TNNI3K: variants seen among roughly 807,000 people sequenced by gnomAD.
The protein encoded by TNNI3K is serine/threonine-protein kinase TNNI3K.
TNNI3K carries 140 observed loss-of-function variants against 114.5 expected under a neutral mutation model. The observed-to-expected ratio is 1.22, with a 90% CI of 1.07 to 1.41. The LOEUF (loss-of-function observed/expected upper bound fraction) is 1.41. TNNI3K is among the 40% of genes most tolerant of loss of function. The pLI, the probability that TNNI3K is intolerant of heterozygous loss-of-function variation, is 0.00. For synonymous variants in TNNI3K, 347 were observed against 347.5 expected, an observed-to-expected ratio of 1.00 and a Z score of 0.02; for missense variants, 1,125 against 1,007.6, an observed-to-expected ratio of 1.12 and a Z score of -1.58.
chr1:74,520,552 C>T (rs1271743328), intron 23 of TNNI3K, among the ~76,000 whole-genome samples: 2 of 151,886 alleles, frequency 1.3e-5, no homozygotes, highest in Non-Finnish European at 2.9e-5. Context: ...TCTCTTTTGA[C>T]CTTTTCCTTC....
intron 4 of TNNI3K, among the ~76,000 whole-genome samples, chr1:74,259,312 C>G (rs1655525757): frequency 1.3e-5 from 2 of 152,168 alleles, no homozygotes; most frequent in Admixed American, 6.5e-5. Flanking sequence ...AAATCCTATT[C>G]TGAGTCTAAA....
intron 2 of TNNI3K, among the ~76,000 whole-genome samples, chr1:74,238,521 AAGTT>A (rs1032454969): frequency 2.0e-5 from 3 of 152,052 alleles, no homozygotes; most frequent in Non-Finnish European, 4.4e-5. Flanking sequence ...AGCTTATTAA[AAGTT>A]AGAAAGAGTG....
intron 17 of TNNI3K, among the ~76,000 whole-genome samples, chr1:74,399,248 AC>A (rs1664242661): frequency 6.6e-6 from 1 of 151,792 alleles, no homozygotes; most frequent in Non-Finnish European, 1.5e-5. Flanking sequence ...GATTAGGACA[AC>A]CCCAAGGAAA....
chr1:74,437,292 G>T (rs779999496), intron 19 of TNNI3K, among the ~76,000 whole-genome samples: 1 of 151,948 alleles, frequency 6.6e-6, no homozygotes, highest in Non-Finnish European at 1.5e-5. Flanking sequence ...GTCATAATAG[G>T]CTTCTAACTC....
At chr1:74,321,764 T>C (rs1659621543) in intron 5 of TNNI3K, among the ~76,000 whole-genome samples, 1 of 152,040 alleles carries the variant, frequency 6.6e-6, no homozygotes, top group Non-Finnish European at 1.5e-5. Context: ...AAGAGAAAGA[T>C]CACATAAAAA....
intron 2 of TNNI3K, among the ~76,000 whole-genome samples, chr1:74,242,010 T>A (rs112558167): frequency 1.3e-5 from 2 of 151,834 alleles, no homozygotes; most frequent in Non-Finnish European, 2.9e-5. Flanking sequence ...CCACCACACC[T>A]GGCTAATTTT....
At chr1:74,367,529 A>G (rs1274891285) in intron 12 of TNNI3K, among the ~76,000 whole-genome samples, 187 bp downstream of exon 12, 3 of 151,794 alleles carry the variant, frequency 2.0e-5, no homozygotes, top group African/African-American at 4.8e-5. Flanking sequence ...CATTTCAGCT[A>G]TTTTCTAACT....
intron 21 of TNNI3K, chr1:74,475,635 C>A (rs755649258): frequency 9.6e-5 from 69 of 717,030 alleles, no homozygotes; most frequent in Non-Finnish European, 1.6e-4. Context: ...TCTCGTTTTC[C>A]TGAGTTAAGT....
intron 17 of TNNI3K, among the ~76,000 whole-genome samples, chr1:74,399,127 C>T (rs551959100): frequency 2.2e-4 from 31 of 142,838 alleles, no homozygotes; most frequent in African/African-American, 7.1e-4. Context: ...CCATTGCACT[C>T]GAGCCTGGGC....
At chr1:74,237,568 G>A (rs1334535377) in intron 2 of TNNI3K, among the ~76,000 whole-genome samples, 2 of 151,974 alleles carry the variant, frequency 1.3e-5, no homozygotes, top group Non-Finnish European at 2.9e-5. Context: ...TAAACTAGAT[G>A]TATCCAAACC....
chr1:74,484,762 A>G (rs1668667758), intron 21 of TNNI3K, among the ~76,000 whole-genome samples: 1 of 152,166 alleles, frequency 6.6e-6, no homozygotes, highest in Admixed American at 6.5e-5. Flanking sequence ...TTAGAGATGA[A>G]TGCAAAGACA....
At chr1:74,486,201 A>AGAGAGAGAGAGAG (rs1668751420) in intron 21 of TNNI3K, among the ~76,000 whole-genome samples, 4 of 136,412 alleles carry the variant, frequency 2.9e-5, no homozygotes, top group Non-Finnish European at 4.7e-5. Context: ...AAATGCTATA[A>AGAGAGAGAGAGAG]AGAGAGAGAG....
intron 23 of TNNI3K, among the ~76,000 whole-genome samples, chr1:74,501,016 ACT>A (rs1669597744): frequency 1.3e-5 from 2 of 152,044 alleles, no homozygotes; most frequent in African/African-American, 4.8e-5. Context: ...TCTTTCATAA[ACT>A]CTGGATAATC....
intron 3 of TNNI3K, 95 bp from the exon 4 acceptor site, chr1:74,250,577 A>C: frequency 9.0e-7 from 1 of 1,111,780 alleles, no homozygotes; most frequent in Non-Finnish European, 1.2e-6. Flanking sequence ...TGACATTTTT[A>C]TACAGCTGTA....
At chr1:74,353,165 A>T in intron 9 of TNNI3K, 101 bp from the exon 10 acceptor site, 17 of 1,213,336 alleles carry the variant, frequency 1.4e-5, no homozygotes, top group Middle Eastern at 2.5e-4. Flanking sequence ...TATGGGGGTT[A>T]TAACTTCAGC....
intron 17 of TNNI3K, among the ~76,000 whole-genome samples, chr1:74,413,722 G>A (rs2100617717): frequency 6.6e-6 from 1 of 152,148 alleles, no homozygotes; most frequent in East Asian, 1.9e-4. Context: ...CATTAGACTT[G>A]GTGTTTTAGT....
At chr1:74,498,474 T>A (rs544016595) in intron 23 of TNNI3K, among the ~76,000 whole-genome samples, 1 of 152,342 alleles carries the variant, frequency 6.6e-6, no homozygotes, top group Admixed American at 6.5e-5. Flanking sequence ...TTCTCTTCTT[T>A]TTTGTTTTGT....
chr1:74,244,165 A>G (rs975605407), intron 2 of TNNI3K, among the ~76,000 whole-genome samples: 3 of 152,192 alleles, frequency 2.0e-5, no homozygotes, highest in Non-Finnish European at 4.4e-5. Context: ...TTAAAAATGT[A>G]CATTCCAGTT....
At chr1:74,397,045 G>A (rs111423407) in intron 17 of TNNI3K, among the ~76,000 whole-genome samples, 92 of 152,316 alleles carry the variant, frequency 6.0e-4, no homozygotes, top group Middle Eastern at 3.4e-3. Flanking sequence ...GGGAAAGCCA[G>A]CCATGCAGCT....
Sources: gnomAD v4.1 joint callset for allele counts (sites outside exome capture counted in the v4.1 genomes callset) on GRCh38, gnomAD v4.1.1 for gene constraint, MANE v1.5 for transcripts, NCBI Gene and HGNC (gene_info 2026-07-23, HGNC 2026-07-21) for gene names.